The following KIF3C variants were observed in gnomAD, a reference collection of about 807,000 sequenced individuals.
KIF3C encodes kinesin-like protein KIF3C.
In KIF3C, 12 loss-of-function variants were observed where a neutral mutation model predicts 67.7. That is an observed-to-expected ratio of 0.18 (90% CI 0.11 to 0.29). The LOEUF is 0.29. KIF3C is among the 10% of genes least tolerant of loss of function. KIF3C has a pLI of 1.00. For synonymous variants in KIF3C, 393 were observed against 426.2 expected (o/e 0.92, Z 0.96); for missense variants, 789 against 1,059.6 (o/e 0.74, Z 3.55).
intron 1 of KIF3C, among the ~76,000 whole-genome samples, chr2:25,964,536 A>T (rs1484329507): frequency 6.6e-6 from 1 of 152,100 alleles, no homozygotes; most frequent in Non-Finnish European, 1.5e-5. Flanking sequence ...GCATGATCAG[A>T]GCTCACTGCA....
chr2:25,930,298 C>T (rs1038647783), intron 5 of KIF3C, among the ~76,000 whole-genome samples: 1 of 152,194 alleles, frequency 6.6e-6, no homozygotes, highest in South Asian at 2.1e-4. Flanking sequence ...TAGGCAAGTA[C>T]AGTACAATCA....
intron 5 of KIF3C, among the ~76,000 whole-genome samples, chr2:25,933,037 G>T (rs190978435): frequency 1.3e-5 from 2 of 152,214 alleles, no homozygotes; most frequent in Non-Finnish European, 2.9e-5. Context: ...GACTGCCTGA[G>T]CTTAGGAGTT....
intron 5 of KIF3C, among the ~76,000 whole-genome samples, chr2:25,935,799 C>T (rs768353178): frequency 5.9e-5 from 9 of 151,778 alleles, no homozygotes; most frequent in Non-Finnish European, 1.2e-4. Context: ...GTGGCTCGGC[C>T]GGGTGCAGCG....
At chr2:25,929,500 G>T in intron 6 of KIF3C, 23 bp from the exon 7 acceptor site, 1 of 1,608,626 alleles carries the variant, frequency 6.2e-7, no homozygotes. Flanking sequence ...TATCATGCCA[G>T]GCTTGAACAG....
At chr2:25,954,442 C>A in intron 3 of KIF3C, 57 bp from the exon 4 acceptor site, 1 of 1,344,508 alleles carries the variant, frequency 7.4e-7, no homozygotes, top group Non-Finnish European at 1.1e-6. Flanking sequence ...AGGCCCCAGT[C>A]ACCCAGCCTG....
In KIF3C at chr2:25,969,132, T is replaced by C. The variant is rs559279809; in HGVS notation, c.1545+11241A>G. ...AGCCACCGCGTCCGGTCAGGAATCATCTATTGGTCATTCCTTACAGCTCCT... is the reference window on the plus strand; with the variant it reads ...AGCCACCGCGTCCGGTCAGGAATCACCTATTGGTCATTCCTTACAGCTCCT... On this transcript the variant is annotated intron_variant, in intron 1 of 7. Transcript: ENST00000264712. 1.4e-4 allele frequency among the ~76,000 whole-genome samples: 22 copies of C among 152,294 alleles called. No homozygotes were observed. The South Asian group carries it at 4.6e-3, about 32-fold the overall frequency.
rs1270397435 is a variant in KIF3C, at chr2:25,955,634, C to T, written c.1677G>A (p.Glu559=). The change falls in exon 3 of 8, where the codon GAG becomes GAA. Residue 559 remains glutamate, a synonymous_variant. Transcript: ENST00000264712. This position sits in a 1 kb window ranked among gnomAD's most constrained non-coding sequence, Gnocchi z 5.0. ...TAGTCTCCTCGTCCCGGAGCATCAT[C>T]TCCTGCTGCATCTCCCGCTCACGAC... ...QKRREREMQQ[E]MMLRDEETME... is the part of the protein sequence containing the mutation. The T allele has an allele frequency of 1.2e-6, 2 of 1,614,182 alleles. No homozygotes were observed. Among genetic ancestry groups the T allele is most frequent in the Non-Finnish European group, 1.7e-6 (2 of 1,180,012 alleles).
intron 1 of KIF3C, among the ~76,000 whole-genome samples, chr2:25,970,965 GAAAAAAAA>G (rs970182694): frequency 2.0e-5 from 1 of 49,326 alleles, no homozygotes; most frequent in African/African-American, 8.4e-5. Context: ...CTCTATGAAG[GAAAAAAAA>G]AAAAAAAAAA....
chr2:25,946,619 C>T (rs925935453), intron 5 of KIF3C, among the ~76,000 whole-genome samples: 4 of 151,918 alleles, frequency 2.6e-5, no homozygotes, highest in Admixed American at 1.3e-4. Context: ...ACCCGGGAGG[C>T]GGAGGTTGCA....
chr2:25,978,663 C>T lies in KIF3C; in HGVS notation c.1545+1710G>A, dbSNP rs189161962. On this transcript the variant is annotated intron_variant, in intron 1 of 7. Coordinates refer to ENST00000264712, the MANE Select transcript of KIF3C (RefSeq NM_002254.8). ...AGGGAAACTGGTCAGTTCCCAACAA[C>T]GGAAACCTTCACCCCATCCCTCAGG... Among the ~76,000 whole-genome samples the T allele has an allele frequency of 1.3e-3, 197 of 152,240 alleles. 1 individual carries two copies. Among genetic ancestry groups the T allele is most frequent in the Non-Finnish European group, 1.7e-3 (117 of 68,026 alleles).
chr2:25,929,716 A>G (rs997188113), intron 6 of KIF3C, among the ~76,000 whole-genome samples: 1 of 151,910 alleles, frequency 6.6e-6, no homozygotes. Context: ...CCCAGGTTCA[A>G]GCAATTCTCC....
At chr2:25,963,039 A>G (rs1269523108) in intron 1 of KIF3C, among the ~76,000 whole-genome samples, 2 of 66,242 alleles carry the variant, frequency 3.0e-5, no homozygotes, top group African/African-American at 7.6e-5. Flanking sequence ...TATATAATAT[A>G]TAATATATAA....
At chr2:25,946,214 CTT>C (rs1663429042) in intron 5 of KIF3C, among the ~76,000 whole-genome samples, 1 of 152,308 alleles carries the variant, frequency 6.6e-6, no homozygotes, top group Non-Finnish European at 1.5e-5. Flanking sequence ...AACTGACTCT[CTT>C]TTCACAACTT....
chr2:25,965,648 A>G (rs1190776215), intron 1 of KIF3C, among the ~76,000 whole-genome samples: 1 of 151,398 alleles, frequency 6.6e-6, no homozygotes, highest in Non-Finnish European at 1.5e-5. Flanking sequence ...ATCCTTAACC[A>G]TCACCTATGA....
chr2:25,954,177 G>C (rs772773124), intron 4 of KIF3C, 90 bp downstream of exon 4: 7 of 909,818 alleles, frequency 7.7e-6, no homozygotes, highest in Non-Finnish European at 1.1e-5. Flanking sequence ...TGGGAGAGGA[G>C]ACAGTCAGGA....
intron 1 of KIF3C, among the ~76,000 whole-genome samples, chr2:25,961,796 A>G (rs1283485686): frequency 6.6e-6 from 1 of 152,182 alleles, no homozygotes; most frequent in African/African-American, 2.4e-5. Flanking sequence ...AAGAGAAGGG[A>G]GGCTTAGGCC....
At chr2:25,942,687 G>A (rs1663324056) in intron 5 of KIF3C, among the ~76,000 whole-genome samples, 1 of 152,166 alleles carries the variant, frequency 6.6e-6, no homozygotes, top group Non-Finnish European at 1.5e-5. Flanking sequence ...TGGGATTACA[G>A]GCGTGAGCCA....
In KIF3C at chr2:25,952,549, GTATATA is replaced by G. The variant is rs796400757; in HGVS notation, c.1890-650_1890-645del. 1.8e-4 allele frequency among the ~76,000 whole-genome samples: 12 copies of G among 68,168 alleles called. No individual in the cohort carries two copies. In the South Asian group the frequency reaches 4.2e-3, roughly 24 times the overall value. 44.7% of individuals were successfully genotyped at this position (68,168 alleles called of 152,430 possible). A position where few individuals can be genotyped will look rare whatever the true frequency, so the allele number is the denominator to read the frequency against. ...TATGTGTGTGTGTGTGTGTGTGTGTGTATATATATATATATTTTTTTTTTTTTGAGA... is the reference window on the plus strand; with the variant it reads ...TATGTGTGTGTGTGTGTGTGTGTGTGTATATATATTTTTTTTTTTTTGAGA... On this transcript the variant is annotated intron_variant, in intron 4 of 7. Transcript: ENST00000264712.
intron 1 of KIF3C, among the ~76,000 whole-genome samples, chr2:25,960,310 A>G (rs542628625): frequency 1.3e-5 from 2 of 152,290 alleles, no homozygotes; most frequent in Non-Finnish European, 2.9e-5. Flanking sequence ...TGAGATTCCC[A>G]GGTAATTTGG....
Sources: gnomAD v4.1 joint callset for allele counts (sites outside exome capture counted in the v4.1 genomes callset) on GRCh38, gnomAD v4.1.1 for gene constraint, Gnocchi (gnomAD v3.1) non-coding constraint, MANE v1.5 for transcripts, NCBI Gene and HGNC (gene_info 2026-07-23, HGNC 2026-07-21) for gene names.